The following PCDHB3 variants were observed in gnomAD, a reference collection of about 807,000 sequenced individuals.
PCDHB3 encodes the protein protocadherin beta 3.
For missense variants in PCDHB3, 967 were observed against 1,012.1 expected (o/e 0.96, Z 0.60); for synonymous variants, 479 against 456.0 (o/e 1.05, Z -0.64).
rs528099967 is a variant in PCDHB3, at chr5:141,101,529, C to G, written c.880C>G (p.Leu294Val). 3.0e-5 allele frequency: 49 copies of G among 1,614,090 alleles called. No individual in the cohort carries two copies. In the South Asian group the frequency reaches 5.3e-4, roughly 17 times the overall value. Residue 294 changes from leucine to valine, a missense_variant, in exon 1 of 1, where the codon CTA becomes GTA. Physicochemically the swap from Leu to Val is conservative, Grantham distance 32. Coordinates refer to ENST00000231130, the MANE Select transcript of PCDHB3 (RefSeq NM_018937.5). ...TGAAGAAATTCGCAAAACTTTTCAG[C>G]TAAATCCAATTACTGGTGATATGCA... ...ASEEIRKTFQ[L>V]NPITGDMQLV...
Position 141,101,366 on chromosome 5 carries a change from AC to A in PCDHB3, c.719del (p.Pro240GlnfsTer13). 8 of 1,614,142 alleles carry A rather than the reference AC, an allele frequency of 5.0e-6. No individual in the cohort carries two copies. Among genetic ancestry groups the A allele is most frequent in the Non-Finnish European group, 6.8e-6 (8 of 1,180,036 alleles). ...IQVLDINDNAPEFAQPLYEVA... is the reference protein window; with the variant it reads ...IQVLDINDNAXEFAQPLYEVA... ...AGGTCTTAGATATAAACGACAATGC[AC>A]CAGAATTTGCACAGCCGCTCTATGA... On this transcript the variant is annotated frameshift_variant, in exon 1 of 1. Transcript: ENST00000231130. LOFTEE classifies it low-confidence loss of function (END_TRUNC).
chr5:141,101,794 T>G lies in PCDHB3; in HGVS notation c.1145T>G (p.Met382Arg), dbSNP rs1751949773. Residue 382 changes from methionine (M) to arginine (R), a missense_variant, in exon 1 of 1, where the codon ATG becomes AGG. Met to Arg is a moderately conservative substitution (Grantham distance 91). Coordinates refer to ENST00000231130, the MANE Select transcript of PCDHB3 (RefSeq NM_018937.5). The part of the protein sequence containing the change: ...DLDSGDNGRV[M>R]CSIENNLPFF... ...GACTCTGGAGACAACGGAAGAGTGA[T>G]GTGTTCCATTGAGAACAATCTCCCC... 1.2e-6 allele frequency: 2 copies of G among 1,613,968 alleles called. No homozygotes were observed. The highest frequency in any genetic ancestry group is 1.7e-5 in the Admixed American group (1 of 59,998).
At position 141,102,753 on chromosome 5, in the gene PCDHB3, C is replaced by T. The variant is rs1554272669; in HGVS notation, c.2104C>T (p.Leu702Phe). The T allele has an allele frequency of 3.1e-6, 5 of 1,612,232 alleles. No homozygotes were observed. In the East Asian group the frequency reaches 8.9e-5, roughly 29 times the overall value. ...ATTGGCCTCGGTGTCTTCGCTCTTC[C>T]TCTTTTCGGTGCTCCTGTTCGTGGC... ...VALASVSSLF[L>F]FSVLLFVAVR... The change falls in exon 1 of 1, where the codon CTC becomes TTC. Residue 702 changes from leucine to phenylalanine, a missense_variant. By Grantham distance (22) the Leu-to-Phe change is conservative. Transcript: ENST00000231130.
In PCDHB3 at chr5:141,100,719, T is replaced by A; in HGVS notation, c.70T>A (p.Ser24Thr). 1.2e-6 allele frequency: 2 copies of A among 1,613,710 alleles called. No individual in the cohort carries two copies. Among genetic ancestry groups the A allele is most frequent in the Non-Finnish European group, 8.5e-7 (1 of 1,179,896 alleles). ...VLLLFVFLGG[S>T]LAGSESRRYS... is the part of the protein sequence containing the mutation. ...GCTTCTCTTTGTTTTTCTGGGAGGG[T>A]CTCTGGCTGGGTCCGAGTCAAGACG... is the stretch of plus-strand genomic sequence containing the variant. The change falls in exon 1 of 1, where the codon TCT becomes ACT. Residue 24 changes from serine (S) to threonine (T), a missense_variant. By Grantham distance (58) the Ser-to-Thr change is moderately conservative (BLOSUM62 1). Transcript: ENST00000231130.
In PCDHB3 at chr5:141,101,084, C is replaced by T. The variant is rs782567241; in HGVS notation, c.435C>T (p.Ser145=). 2.5e-6 allele frequency: 4 copies of T among 1,614,192 alleles called. No individual in the cohort carries two copies. The highest frequency in any genetic ancestry group is 3.4e-6 in the Non-Finnish European group (4 of 1,180,040). The change falls in exon 1 of 1, where the codon AGC becomes AGT. Residue 145 remains serine, a synonymous_variant. Transcript: ENST00000231130. ...ENEMHLKILE[S]TLPGTVIPLG... is the part of the protein sequence containing the mutation. ...AAATGCATCTGAAAATCCTAGAAAG[C>T]ACTCTGCCAGGAACAGTAATTCCTT...
In PCDHB3 at chr5:141,101,995, C is replaced by T. The variant is rs781926643; in HGVS notation, c.1346C>T (p.Pro449Leu). ...VLVSDVNDNA[P>L]AFTQISYTLF... is the part of the protein sequence containing the mutation. ...GTCTCCGACGTCAATGACAACGCCC[C>T]CGCCTTCACCCAAATCTCCTACACC... Residue 449 changes from proline (P) to leucine (L), a missense_variant, in exon 1 of 1, where the codon CCC (proline) becomes CTC (leucine). Transcript: ENST00000231130. 11 of 1,613,212 alleles carry T rather than the reference C, an allele frequency of 6.8e-6. No homozygotes were observed. The South Asian group carries it at 9.9e-5, about 14-fold the overall frequency.
rs1430973924 is a variant in PCDHB3, at chr5:141,103,102, C to G, written c.*62C>G. On this transcript the variant is annotated 3_prime_UTR_variant, in exon 1 of 1. Transcript: ENST00000231130. ...ATCTGTGGAAAGTCCTTTTTTACTG[C>G]TTTGTCCATTGGAGAGGTCTTTTTT... 13 of 1,533,354 alleles carry G rather than the reference C, an allele frequency of 8.5e-6. No homozygotes were observed. In the African/African-American group the frequency reaches 1.2e-4, roughly 15 times the overall value. 95.0% of individuals were successfully genotyped at this position (1,533,354 alleles called of 1,614,324 possible). A position where few individuals can be genotyped will look rare whatever the true frequency, so the allele number is the denominator to read the frequency against.
chr5:141,102,236 C>A lies in PCDHB3; in HGVS notation c.1587C>A (p.Phe529Leu), dbSNP rs782353847. Residue 529 changes from phenylalanine to leucine, a missense_variant, in exon 1 of 1, where the codon TTC becomes TTA. Coordinates refer to ENST00000231130, the MANE Select transcript of PCDHB3 (RefSeq NM_018937.5). ...ACGAGGCCCTGCAGGCGTTCGAGTT[C>A]CGCGTGGGCGCCACAGACCGTGGCT... ...LDYEALQAFE[F>L]RVGATDRGSP... 5 of 1,612,420 alleles carry A rather than the reference C, an allele frequency of 3.1e-6. No homozygotes were observed. In the South Asian group the frequency reaches 5.5e-5, roughly 18 times the overall value.
Position 141,101,678 on chromosome 5 carries a change from C to T in PCDHB3, c.1029C>T (p.Asn343=). The T allele has an allele frequency of 6.2e-7, 1 of 1,613,920 alleles. No individual in the cohort carries two copies. The highest frequency in any genetic ancestry group is 8.5e-7 in the Non-Finnish European group (1 of 1,179,990). The change falls in exon 1 of 1, where the codon AAC becomes AAT. Residue 343 remains asparagine, a synonymous_variant. Coordinates refer to ENST00000231130, the MANE Select transcript of PCDHB3 (RefSeq NM_018937.5). Reference sequence around the variant, plus strand: ...TCCAGGTGGTTGATGTCAACGACAACCCACCGGAACTGACCTTGTCTTCAG... The same window carrying T: ...TCCAGGTGGTTGATGTCAACGACAATCCACCGGAACTGACCTTGTCTTCAG... ...VIVQVVDVND[N]PPELTLSSVN... is the part of the protein sequence containing the mutation.
rs1554272214 is a variant in PCDHB3 at position 141,101,191 on chromosome 5, T to C, written c.542T>C (p.Leu181Pro). 1 of 1,614,148 alleles carries C rather than the reference T, an allele frequency of 6.2e-7. No homozygotes were observed. The highest frequency in any genetic ancestry group is 8.5e-7 in the Non-Finnish European group (1 of 1,180,022). ...ACTCCGAATTCCCACTTCCACGTAC[T>C]CACTCGCAGTCGTAGGGACGGAAGG... ...TITPNSHFHV[L>P]TRSRRDGRKY... Residue 181 changes from leucine to proline, a missense_variant, in exon 1 of 1, where the codon CTC (leucine) becomes CCC (proline). By Grantham distance (98) the Leu-to-Pro change is moderately conservative. Transcript: ENST00000231130.
chr5:141,102,562 A>G lies in PCDHB3; in HGVS notation c.1913A>G (p.His638Arg), dbSNP rs1554272610. 3.1e-6 allele frequency: 5 copies of G among 1,608,888 alleles called. No individual in the cohort carries two copies. Among genetic ancestry groups the G allele is most frequent in the Non-Finnish European group, 4.2e-6 (5 of 1,179,668 alleles). The change falls in exon 1 of 1, where the codon CAC (histidine) becomes CGC (arginine). Residue 638 changes from histidine (H) to arginine (R), a missense_variant. His to Arg is a conservative substitution (Grantham distance 29). Transcript: ENST00000231130. ...CTGAGCGAGCGCGACGCGGCCAAGC[A>G]CAGGCTGGTGGTGCTGGTCAAGGAC... ...RLLSERDAAKHRLVVLVKDNG... is the reference protein window; with the variant it reads ...RLLSERDAAKRRLVVLVKDNG...
chr5:141,103,531 T>C lies in PCDHB3; in HGVS notation c.*491T>C, dbSNP rs1554272786. 6.5e-6 allele frequency: 1 copy of C among 152,704 alleles called. No individual in the cohort carries two copies. Among genetic ancestry groups the C allele is most frequent in the African/African-American group, 2.4e-5 (1 of 41,470 alleles). 9.5% of individuals were successfully genotyped at this position (152,704 alleles called of 1,614,324 possible). ...TTGAATATATTCATATAATGTGTTCTATAATATGCCCAAAGCAGCTTTGTC... is the reference window on the plus strand; with the variant it reads ...TTGAATATATTCATATAATGTGTTCCATAATATGCCCAAAGCAGCTTTGTC... On this transcript the variant is annotated 3_prime_UTR_variant, in exon 1 of 1. Transcript: ENST00000231130.
In PCDHB3 at chr5:141,100,567, G is replaced by T. The variant is rs1751910871; in HGVS notation, c.-83G>T. 1 of 1,122,880 alleles carries T rather than the reference G, an allele frequency of 8.9e-7. No homozygotes were observed. Among genetic ancestry groups the T allele is most frequent in the African/African-American group, 1.6e-5 (1 of 64,236 alleles). 69.6% of individuals were successfully genotyped at this position (1,122,880 alleles called of 1,614,324 possible). Reference sequence around the variant, plus strand: ...CTTATTCACTAGGCCGTCTACAAAGGTTGTGGGGCAAAAGACTGTTTCCCA... The same window carrying T: ...CTTATTCACTAGGCCGTCTACAAAGTTTGTGGGGCAAAAGACTGTTTCCCA... On this transcript the variant is annotated 5_prime_UTR_variant, in exon 1 of 1. Coordinates refer to ENST00000231130, the MANE Select transcript of PCDHB3 (RefSeq NM_018937.5).
In PCDHB3 at chr5:141,101,152, A is replaced by G; in HGVS notation, c.503A>G (p.Gln168Arg). ...TTGGATGTGGGAAGAAACAGCCTCC[A>G]AAACTACACTATCACTCCGAATTCC... ...EDLDVGRNSLQNYTITPNSHF... is the reference protein window; with the variant it reads ...EDLDVGRNSLRNYTITPNSHF... Residue 168 changes from glutamine (Q) to arginine (R), a missense_variant, in exon 1 of 1, where the codon CAA becomes CGA. Transcript: ENST00000231130. 2 of 1,614,200 alleles carry G rather than the reference A, an allele frequency of 1.2e-6. No individual in the cohort carries two copies. Among genetic ancestry groups the G allele is most frequent in the Non-Finnish European group, 1.7e-6 (2 of 1,180,034 alleles).
At position 141,102,040 on chromosome 5, in the gene PCDHB3, A is replaced by G. The variant is rs1554272451; in HGVS notation, c.1391A>G (p.Asn464Ser). The G allele has an allele frequency of 6.2e-7, 1 of 1,612,968 alleles. No homozygotes were observed. Among genetic ancestry groups the G allele is most frequent in the East Asian group, 2.2e-5 (1 of 44,894 alleles). The change falls in exon 1 of 1, where the codon AAC (asparagine) becomes AGC (serine). Residue 464 changes from asparagine (N) to serine (S), a missense_variant. Coordinates refer to ENST00000231130, the MANE Select transcript of PCDHB3 (RefSeq NM_018937.5). Reference sequence around the variant, plus strand: ...TACACCCTGTTCGTCCGCGAGAACAACAGCCCCGCCCTGCACATCGGCAGT... The same window carrying G: ...TACACCCTGTTCGTCCGCGAGAACAGCAGCCCCGCCCTGCACATCGGCAGT... ...ISYTLFVREN[N>S]SPALHIGSVS...
chr5:141,102,668 C>G lies in PCDHB3; in HGVS notation c.2019C>G (p.Leu673=), dbSNP rs144984580. The change falls in exon 1 of 1, where the codon CTC becomes CTG. Residue 673 remains leucine (L), a synonymous_variant. Transcript: ENST00000231130. ...GCTTCTCCCAGCCCTACCTGCCTCT[C>G]CCGGAGGCGGCACCGGCCCAGGCCC... ...VDGFSQPYLP[L]PEAAPAQAQA... 4.1e-3 allele frequency: 6,604 copies of G among 1,611,416 alleles called. 21 individuals are homozygous for G. Among genetic ancestry groups the G allele is most frequent in the Non-Finnish European group, 4.7e-3 (5,577 of 1,179,788 alleles).
rs1554272758 is a variant in PCDHB3, at chr5:141,103,226, G to T, written c.*186G>T. Reference sequence around the variant, plus strand: ...TACTGGAAAGTAGTTGTGTGGCTCTGAATGTTTTGTATTTCAATCGAGAAT... The same window carrying T: ...TACTGGAAAGTAGTTGTGTGGCTCTTAATGTTTTGTATTTCAATCGAGAAT... On this transcript the variant is annotated 3_prime_UTR_variant, in exon 1 of 1. Coordinates refer to ENST00000231130, the MANE Select transcript of PCDHB3 (RefSeq NM_018937.5). 7 of 584,402 alleles carry T rather than the reference G, an allele frequency of 1.2e-5. No homozygotes were observed. 36.2% of individuals were successfully genotyped at this position (584,402 alleles called of 1,614,324 possible).
Position 141,101,849 on chromosome 5 carries a change from T to G in PCDHB3, c.1200T>G (p.Phe400Leu), listed in dbSNP as rs782448710. 2 of 1,614,054 alleles carry G rather than the reference T, an allele frequency of 1.2e-6. No homozygotes were observed. Among genetic ancestry groups the G allele is most frequent in the Non-Finnish European group, 8.5e-7 (1 of 1,180,018 alleles). Reference protein sequence around the residue: ...PFFLKPSVENFYTLVSEGALD... With the variant: ...PFFLKPSVENLYTLVSEGALD... ...TCCTGAAACCATCTGTAGAGAATTT[T>G]TACACCCTAGTGTCAGAAGGCGCGC... Residue 400 changes from phenylalanine to leucine, a missense_variant, in exon 1 of 1, where the codon TTT (phenylalanine) becomes TTG (leucine). Transcript: ENST00000231130.
Position 141,102,431 on chromosome 5 carries a change from C to A in PCDHB3, c.1782C>A (p.Gly594=). ...TGACCAAGGTGGTGGCGGTGGACGG[C>A]GACTCGGGCCAGAACGCCTGGCTGT... ...YLVTKVVAVD[G]DSGQNAWLSY... The change falls in exon 1 of 1, where the codon GGC becomes GGA. Residue 594 remains glycine (G), a synonymous_variant. Coordinates refer to ENST00000231130, the MANE Select transcript of PCDHB3 (RefSeq NM_018937.5). The A allele has an allele frequency of 1.9e-6, 3 of 1,610,382 alleles. No individual in the cohort carries two copies. The highest frequency in any genetic ancestry group is 2.5e-6 in the Non-Finnish European group (3 of 1,179,618).
Sources: gnomAD v4.1 joint callset for allele counts on GRCh38, gnomAD v4.1.1 for gene constraint, MANE v1.5 for transcripts, NCBI Gene and HGNC (gene_info 2026-07-23, HGNC 2026-07-21) for gene names.